HEATR5B: variants seen among roughly 807,000 people sequenced by gnomAD.
HEATR5B encodes the protein HEAT repeat-containing protein 5B.
HEATR5B carries 156 observed loss-of-function variants against 224.1 expected under a neutral mutation model. That is an observed-to-expected ratio of 0.70 (90% CI 0.61 to 0.80). HEATR5B has a LOEUF of 0.80. Ranked by LOEUF, HEATR5B falls within the 30% of genes least tolerant of loss-of-function variation. The pLI, the probability that HEATR5B is intolerant of heterozygous loss-of-function variation, is 0.00. For missense variants in HEATR5B, 2,323 were observed against 2,535.5 expected (o/e 0.92, Z 1.80); for synonymous variants, 1,027 against 893.0 (o/e 1.15, Z -2.68).
In HEATR5B at chr2:37,084,329, C is replaced by A. The variant is rs1302270310; in HGVS notation, c.-83G>T. The stretch of plus-strand genomic sequence containing the variant: ...GGGGTAGAAGCAGCCACCAAGAGAC[C>A]CGGATGCCCCACCTCCCGCACTCCT... On this transcript the variant is annotated 5_prime_UTR_variant, in exon 1 of 36. Coordinates refer to ENST00000233099, the MANE Select transcript of HEATR5B (RefSeq NM_019024.3). The A allele has an allele frequency of 7.3e-6, 3 of 410,174 alleles. No homozygotes were observed. The highest frequency in any genetic ancestry group is 8.4e-6 in the Non-Finnish European group (2 of 237,644). The allele number at this position is 410,174 out of a possible 1,614,324, so 25.4% of individuals were successfully genotyped here. A position where few individuals can be genotyped will look rare whatever the true frequency, so the allele number is the denominator to read the frequency against.
At chr2:37,044,638 G>A (rs146483923) in intron 18 of HEATR5B, among the ~76,000 whole-genome samples, 260 of 152,286 alleles carry the variant, frequency 1.7e-3, no homozygotes, top group Non-Finnish European at 3.0e-3. Context: ...AGTGGAACTG[G>A]TAGGCAAAAG....
rs543953754 is a variant in HEATR5B at position 37,023,141 on chromosome 2, A to G, written c.3854-2305T>C. ...AGGTAGAAAAAAATCACAAAGGGGA[A>G]TTTAGAGATATAAAGTAAAATATCT... On this transcript the variant is annotated intron_variant, in intron 24 of 35. Transcript: ENST00000233099. 4.6e-5 allele frequency among the ~76,000 whole-genome samples: 7 copies of G among 152,332 alleles called. No homozygotes were observed. In the South Asian group the frequency reaches 1.4e-3, roughly 32 times the overall value.
chr2:37,040,579 T>A lies in HEATR5B; in HGVS notation c.2857-61A>T, dbSNP rs1486853176. On this transcript the variant is annotated intron_variant, in intron 19 of 35. Coordinates refer to ENST00000233099, the MANE Select transcript of HEATR5B (RefSeq NM_019024.3). ...AAGAATTCGAATGTACTGAATTGAG[T>A]ATACTGAATTGTTACATGGGTATAC... 3 of 1,272,262 alleles carry A rather than the reference T, an allele frequency of 2.4e-6. No homozygotes were observed. In the African/African-American group the frequency reaches 4.6e-5, roughly 19 times the overall value. 78.8% of individuals were successfully genotyped at this position (1,272,262 alleles called of 1,614,324 possible).
chr2:37,009,278 A>AGG (rs1412805678), intron 27 of HEATR5B, among the ~76,000 whole-genome samples: 1 of 145,236 alleles, frequency 6.9e-6, no homozygotes, highest in African/African-American at 2.7e-5. Context: ...AAAAAAAAAA[A>AGG]AAGAAGAAAG....
At chr2:37,055,291 T>C (rs770033238) in intron 16 of HEATR5B, among the ~76,000 whole-genome samples, 1 of 152,064 alleles carries the variant, frequency 6.6e-6, no homozygotes, top group Non-Finnish European at 1.5e-5. Context: ...ATTTATTATA[T>C]GTTTATATTT....
chr2:37,082,086 T>TTTTTTGTTTTTTTC (rs371663046), intron 2 of HEATR5B, among the ~76,000 whole-genome samples: 1 of 55,978 alleles, frequency 1.8e-5, no homozygotes, highest in Non-Finnish European at 3.4e-5. Context: ...TTTTTTTTTT[T>TTTTTTGTTTTTTTC]CAGATGGAGT....
At chr2:36,988,563 G>T (rs532879744) in intron 35 of HEATR5B, 83 bp downstream of exon 35, 2 of 1,209,832 alleles carry the variant, frequency 1.7e-6, no homozygotes, top group African/African-American at 1.5e-5. Flanking sequence ...CGCCCAGCAG[G>T]CCTGTTTCTA....
At chr2:37,081,583 G>A (rs1427208761) in intron 2 of HEATR5B, among the ~76,000 whole-genome samples, 1 of 152,154 alleles carries the variant, frequency 6.6e-6, no homozygotes, top group African/African-American at 2.4e-5. Context: ...TTGGAGGTGG[G>A]AGTGAAGTTG....
intron 21 of HEATR5B, among the ~76,000 whole-genome samples, chr2:37,036,370 T>C (rs1370981582): frequency 6.6e-6 from 1 of 152,212 alleles, no homozygotes; most frequent in African/African-American, 2.4e-5. Context: ...ACTAATTGGC[T>C]CTTTAAATGT....
chr2:37,068,572 A>G (rs1671719973), intron 8 of HEATR5B, 109 bp downstream of exon 8: 2 of 1,206,402 alleles, frequency 1.7e-6, no homozygotes, highest in East Asian at 4.8e-5. Flanking sequence ...AATCACTATG[A>G]AAACACACAG....
chr2:36,997,788 G>A (rs1044798236), intron 33 of HEATR5B, among the ~76,000 whole-genome samples: 1 of 151,604 alleles, frequency 6.6e-6, no homozygotes, highest in Non-Finnish European at 1.5e-5. Context: ...GGATGGTGTC[G>A]ATCTCCTGAC....
chr2:37,081,299 C>T (rs1277202065), intron 2 of HEATR5B, among the ~76,000 whole-genome samples: 2 of 152,052 alleles, frequency 1.3e-5, no homozygotes, highest in African/African-American at 4.8e-5. Context: ...TATACATGTG[C>T]CATGTTGGTG....
rs777960773 is a variant in HEATR5B at position 36,990,699 on chromosome 2, C to A, written c.5646G>T (p.Gln1882His). ...TTTTAAATCTGTTCATGCAGCCATT[C>A]TGTAATGACTGGACTCCTATTATTT... ...SNEIIGVQSL[Q>H]NGCMNRFKNA... The change falls in exon 34 of 36, where the codon CAG (glutamine) becomes CAT (histidine). Residue 1882 changes from glutamine to histidine, a missense_variant. Physicochemically the swap from Gln to His is conservative, Grantham distance 24. Around this residue, in one of 12 missense-constraint regions of HEATR5B, gnomAD observed 844 missense variants for 812.9 expected, o/e 1.04. Transcript: ENST00000233099. The A allele has an allele frequency of 6.2e-7, 1 of 1,610,704 alleles. No individual in the cohort carries two copies. Among genetic ancestry groups the A allele is most frequent in the Non-Finnish European group, 8.5e-7 (1 of 1,178,420 alleles).
chr2:37,071,963 C>T, intron 6 of HEATR5B, 147 bp downstream of exon 6: 1 of 573,116 alleles, frequency 1.7e-6, no homozygotes, highest in Non-Finnish European at 3.0e-6. Flanking sequence ...GGATTACAGG[C>T]ATGAGTCACC....
intron 35 of HEATR5B, among the ~76,000 whole-genome samples, chr2:36,987,002 C>G (rs947733383): frequency 1.2e-4 from 19 of 152,132 alleles, no homozygotes; most frequent in African/African-American, 4.3e-4. Context: ...ATCTGCTCAC[C>G]TTGGCCTCCC....
chr2:36,994,637 C>T (rs1666562754), intron 33 of HEATR5B, among the ~76,000 whole-genome samples: 1 of 152,176 alleles, frequency 6.6e-6, no homozygotes, highest in East Asian at 1.9e-4. Context: ...AAATTCACCT[C>T]ATATGAATGA....
intron 32 of HEATR5B, among the ~76,000 whole-genome samples, chr2:37,001,673 CTT>C (rs1222098568): frequency 1.4e-5 from 2 of 144,000 alleles, no homozygotes; most frequent in African/African-American, 2.5e-5. Flanking sequence ...CTTTTTCTTT[CTT>C]TTTTTTTTTT....
chr2:37,059,086 T>G, intron 12 of HEATR5B, 99 bp from the exon 13 acceptor site: 3 of 672,940 alleles, frequency 4.5e-6, no homozygotes, highest in Non-Finnish European at 7.4e-6. Context: ...TAATACTTAA[T>G]TATTATAACG....
chr2:37,062,149 G>A, intron 10 of HEATR5B, 99 bp from the exon 11 acceptor site: 4 of 707,906 alleles, frequency 5.7e-6, no homozygotes, highest in South Asian at 1.6e-5. Context: ...GTTGTTGGCT[G>A]GATGCGGTGG....
Sources: allele counts gnomAD v4.1 joint callset (sites outside exome capture counted in the v4.1 genomes callset), GRCh38; gene constraint gnomAD v4.1.1; regional missense constraint gnomAD v4.1.1; transcripts MANE v1.5; gene names NCBI Gene and HGNC (gene_info 2026-07-23, HGNC 2026-07-21).